Variants in TGFB2 observed in about 807,000 individuals in gnomAD.
The protein encoded by TGFB2 is transforming growth factor beta-2 proprotein.
A neutral mutation model predicts 42.7 loss-of-function variants in TGFB2; 13 were observed. That is an observed-to-expected ratio of 0.30 (90% CI 0.20 to 0.48). TGFB2 has a LOEUF of 0.48. TGFB2 is among the 20% of genes least tolerant of loss of function. The probability of loss-of-function intolerance (pLI) is 0.99; values close to 1 mark genes in which losing one functional copy is unlikely to be tolerated. For missense variants in TGFB2, 390 were observed against 517.5 expected (o/e 0.75, Z 2.39); for synonymous variants, 193 against 193.6 (o/e 1.00, Z 0.03).
chr1:218,441,003 C>G (rs1452389112), intron 6 of TGFB2, among the ~76,000 whole-genome samples: 1 of 152,106 alleles, frequency 6.6e-6, no homozygotes, highest in Non-Finnish European at 1.5e-5. Flanking sequence ...AAACGAGTTC[C>G]GTGTGGGAAA....
chr1:218,377,210 T>A (rs1435298282), intron 1 of TGFB2, among the ~76,000 whole-genome samples: 1 of 152,110 alleles, frequency 6.6e-6, no homozygotes, highest in Non-Finnish European at 1.5e-5. Flanking sequence ...GGAGAAGCAG[T>A]CCCTACCATG....
At chr1:218,358,548 CTTTTT>C (rs34141354) in intron 1 of TGFB2, among the ~76,000 whole-genome samples, 1 of 134,060 alleles carries the variant, frequency 7.5e-6, no homozygotes, top group Admixed American at 7.5e-5. Flanking sequence ...ATAGTGAACT[CTTTTT>C]TTTTTTTTTT....
chr1:218,361,322 A>G (rs1657203373), intron 1 of TGFB2, among the ~76,000 whole-genome samples: 3 of 152,222 alleles, frequency 2.0e-5, no homozygotes. Context: ...AAAGGAAAGA[A>G]AAGAAGGGAT....
At chr1:218,359,780 G>A (rs1404614382) in intron 1 of TGFB2, among the ~76,000 whole-genome samples, 1 of 152,184 alleles carries the variant, frequency 6.6e-6, no homozygotes. Flanking sequence ...TGTGTGGAGA[G>A]GCTGGAGGGA....
chr1:218,399,729 C>T (rs1658650198), intron 1 of TGFB2, among the ~76,000 whole-genome samples: 2 of 151,920 alleles, frequency 1.3e-5, no homozygotes, highest in South Asian at 2.1e-4. Flanking sequence ...TATAAACTGC[C>T]CCAGGACACT....
At chr1:218,422,760 C>A (rs538664066) in intron 2 of TGFB2, among the ~76,000 whole-genome samples, 1 of 152,156 alleles carries the variant, frequency 6.6e-6, no homozygotes, top group Non-Finnish European at 1.5e-5. Context: ...CAATGCACTC[C>A]TTTAAGAACA....
At chr1:218,371,259 C>G (rs1036167249) in intron 1 of TGFB2, among the ~76,000 whole-genome samples, 1 of 152,172 alleles carries the variant, frequency 6.6e-6, no homozygotes, top group Admixed American at 6.5e-5. Flanking sequence ...CGAGATCGCA[C>G]TACTGCACTC....
At chr1:218,424,330 C>T (rs1223734188) in intron 2 of TGFB2, among the ~76,000 whole-genome samples, 1 of 152,120 alleles carries the variant, frequency 6.6e-6, no homozygotes, top group Non-Finnish European at 1.5e-5. Context: ...CAGAGAGATT[C>T]CAAAAGGCTA....
intron 2 of TGFB2, among the ~76,000 whole-genome samples, chr1:218,425,232 G>C (rs918970305): frequency 1.3e-5 from 2 of 152,064 alleles, no homozygotes; most frequent in Non-Finnish European, 2.9e-5. Context: ...TATTTAGTTG[G>C]AGTCTTGCTC....
chr1:218,360,408 C>T (rs181125758), intron 1 of TGFB2, among the ~76,000 whole-genome samples: 1 of 152,118 alleles, frequency 6.6e-6, no homozygotes, highest in African/African-American at 2.4e-5. Flanking sequence ...ACTTGTGTTA[C>T]CCATAGTCCC....
Position 218,346,759 on chromosome 1 carries a change from A to G in TGFB2, c.58A>G (p.Ser20Gly). ...CCTGCATCTGGTCACGGTCGCGCTC[A>G]GCCTGTCTACCTGCAGCACACTCGA... The part of the protein sequence containing the change: ...LILHLVTVAL[S>G]LSTCSTLDMD... Residue 20 changes from serine to glycine, a missense_variant, in exon 1 of 7, where the codon AGC (serine) becomes GGC (glycine). Transcript: ENST00000366930. The surrounding 1 kb of genome is among the most constrained non-coding windows in gnomAD (Gnocchi z 4.9). 6.2e-7 allele frequency: 1 copy of G among 1,614,128 alleles called. No homozygotes were observed. Among genetic ancestry groups the G allele is most frequent in the Non-Finnish European group, 8.5e-7 (1 of 1,180,026 alleles).
chr1:218,423,441 GTT>G (rs2102614942), intron 2 of TGFB2, among the ~76,000 whole-genome samples: 1 of 152,264 alleles, frequency 6.6e-6, no homozygotes, highest in African/African-American at 2.4e-5. Flanking sequence ...CCTGACTTTA[GTT>G]TAGAGTGAAA....
chr1:218,437,058 C>G (rs1211475401), intron 5 of TGFB2, among the ~76,000 whole-genome samples: 3 of 152,152 alleles, frequency 2.0e-5, no homozygotes, highest in Non-Finnish European at 2.9e-5. Context: ...ATCTGGTCAT[C>G]TGAAGGTAAA....
intron 2 of TGFB2, 100 bp downstream of exon 2, chr1:218,405,432 A>T (rs756326692): frequency 6.3e-7 from 1 of 1,586,580 alleles, no homozygotes; most frequent in Non-Finnish European, 8.5e-7. Context: ...TGGCATGATC[A>T]CAGCTCACTG....
At chr1:218,392,112 G>T (rs1346600127) in intron 1 of TGFB2, among the ~76,000 whole-genome samples, 2 of 152,176 alleles carry the variant, frequency 1.3e-5, no homozygotes, top group Non-Finnish European at 2.9e-5. Context: ...AGCACTTTGG[G>T]AGGCCAAGGT....
chr1:218,441,273 G>C lies in TGFB2; in HGVS notation c.1156G>C (p.Glu386Gln). Residue 386 changes from glutamate (E) to glutamine (Q), a missense_variant, in exon 7 of 7, where the codon GAA becomes CAA. By Grantham distance (29) the Glu-to-Gln change is conservative (BLOSUM62 2). Transcript: ENST00000366930. ...ASPCCVSQDLEPLTILYYIGK... is the reference protein window; with the variant it reads ...ASPCCVSQDLQPLTILYYIGK... ...TCCTTGCTGCGTGTCCCAAGATTTA[G>C]AACCTCTAACCATTCTCTACTACAT... 6.2e-7 allele frequency: 1 copy of C among 1,613,868 alleles called. No homozygotes were observed. Among genetic ancestry groups the C allele is most frequent in the Middle Eastern group, 1.6e-4 (1 of 6,062 alleles).
intron 1 of TGFB2, among the ~76,000 whole-genome samples, chr1:218,353,474 C>T (rs533533126): frequency 9.2e-5 from 14 of 152,342 alleles, no homozygotes; most frequent in African/African-American, 3.1e-4. Flanking sequence ...CACTAAATCC[C>T]TGCATGAAAA....
At chr1:218,433,287 G>A (rs1558261801) in intron 2 of TGFB2, among the ~76,000 whole-genome samples, 1 of 152,082 alleles carries the variant, frequency 6.6e-6, no homozygotes, top group African/African-American at 2.4e-5. Flanking sequence ...GGCTGGTCTT[G>A]AACTCCTGAC....
In TGFB2 at chr1:218,441,860, G is replaced by C. The variant is rs1356650347; in HGVS notation, c.*498G>C. 1 of 152,140 alleles carries C rather than the reference G, an allele frequency of 6.6e-6. No homozygotes were observed. Among genetic ancestry groups the C allele is most frequent in the Non-Finnish European group, 1.5e-5 (1 of 68,102 alleles). 9.4% of individuals were successfully genotyped at this position (152,140 alleles called of 1,614,324 possible). ...TATTGTGTGTTACTATATAATGAAC[G>C]TTTCATTGCCCTTGGAAAATAAAAC... On this transcript the variant is annotated 3_prime_UTR_variant, in exon 7 of 7. Coordinates refer to ENST00000366930, the MANE Select transcript of TGFB2 (RefSeq NM_003238.6).
Sources: allele counts gnomAD v4.1 joint callset (sites outside exome capture counted in the v4.1 genomes callset), GRCh38; gene constraint gnomAD v4.1.1; non-coding constraint Gnocchi (gnomAD v3.1); transcripts MANE v1.5; gene names NCBI Gene and HGNC (gene_info 2026-07-23, HGNC 2026-07-21).